CCDC125: variants seen among roughly 807,000 people sequenced by gnomAD.
CCDC125 encodes coiled-coil domain containing 125, also known as coiled-coil domain-containing protein 125.
A neutral mutation model predicts 57.4 loss-of-function variants in CCDC125; 43 were observed. The ratio of observed to expected loss-of-function variants is 0.75; its 90% CI spans 0.59 to 0.97. The LOEUF is 0.97. Among genes scored for constraint, CCDC125 ranks in the 50% least tolerant of loss-of-function variants. The probability of loss-of-function intolerance (pLI) is 0.00; values close to 1 mark genes in which losing one functional copy is unlikely to be tolerated. For missense variants in CCDC125, 563 were observed against 595.7 expected (o/e 0.95, Z 0.57); for synonymous variants, 187 against 195.2 (o/e 0.96, Z 0.35).
At chr5:69,275,806 C>T (rs1312777962), downstream of CCDC125, among the ~76,000 whole-genome samples, 1 of 152,118 alleles carries the variant, frequency 6.6e-6, no homozygotes, top group Non-Finnish European at 1.5e-5. Flanking sequence ...AGACCCCATT[C>T]TCCACAAAAA....
chr5:69,304,495 G>A (rs371195318), intron 6 of CCDC125, among the ~76,000 whole-genome samples: 202 of 143,852 alleles, frequency 1.4e-3, no homozygotes, highest in African/African-American at 5.0e-3. Context: ...ATGTGATCTC[G>A]ACTCAGTGCA....
intron 9 of CCDC125, among the ~76,000 whole-genome samples, chr5:69,294,432 C>T (rs890354388): frequency 6.6e-6 from 1 of 152,050 alleles, no homozygotes; most frequent in Non-Finnish European, 1.5e-5. Context: ...CTCAGCCTCC[C>T]AAGTAGCTAA....
intron 10 of CCDC125, among the ~76,000 whole-genome samples, chr5:69,291,060 A>G (rs1468027807): frequency 2.0e-5 from 3 of 152,256 alleles, no homozygotes; most frequent in African/African-American, 7.2e-5. Context: ...TCTGACAGAT[A>G]AGAAAATATT....
At chr5:69,288,481 G>A (rs1360333868) in intron 10 of CCDC125, among the ~76,000 whole-genome samples, 1 of 152,186 alleles carries the variant, frequency 6.6e-6, no homozygotes, top group Non-Finnish European at 1.5e-5. Context: ...CCAGATAGCT[G>A]AGCATGTGAG....
At chr5:69,322,878 T>C (rs1204269769) in intron 1 of CCDC125, among the ~76,000 whole-genome samples, 1 of 151,824 alleles carries the variant, frequency 6.6e-6, no homozygotes, top group African/African-American at 2.4e-5. Flanking sequence ...TTTTTTTAAA[T>C]TAGCTGGTGG....
Position 69,282,912 on chromosome 5 carries a change from A to G in CCDC125, c.1353T>C (p.Asn451=). ...ENKEKNPIKE[N]FPFNNPWRKT... ...TACGCCAGGGGTTGTTGAAAGGGAAATTCTCTTTTATAGGATTTTTTTCTT... is the reference window on the plus strand; with the variant it reads ...TACGCCAGGGGTTGTTGAAAGGGAAGTTCTCTTTTATAGGATTTTTTTCTT... Residue 451 remains asparagine, a synonymous_variant, in exon 12 of 12, where the codon AAT becomes AAC. Transcript: ENST00000396496. 2 of 1,614,086 alleles carry G rather than the reference A, an allele frequency of 1.2e-6. No homozygotes were observed. The highest frequency in any genetic ancestry group is 1.7e-6 in the Non-Finnish European group (2 of 1,179,994).
intron 2 of CCDC125, among the ~76,000 whole-genome samples, chr5:69,319,993 T>C (rs549340987): frequency 2.0e-5 from 3 of 152,090 alleles, no homozygotes; most frequent in East Asian, 2.0e-4. Context: ...TAGTGGTGCA[T>C]GCCTGTAATC....
chr5:69,291,097 TC>T (rs1157410950), intron 10 of CCDC125, among the ~76,000 whole-genome samples: 4 of 152,194 alleles, frequency 2.6e-5, no homozygotes, highest in Admixed American at 2.6e-4. Context: ...CTAGAATTTT[TC>T]TACAAAACAT....
intron 2 of CCDC125, among the ~76,000 whole-genome samples, chr5:69,319,219 T>C (rs1010879784): frequency 6.6e-6 from 1 of 151,970 alleles, no homozygotes; most frequent in African/African-American, 2.4e-5. Context: ...TGAGCCACTG[T>C]ACCCGGCCTG....
At chr5:69,294,647 AAG>A (rs1477436715) in intron 9 of CCDC125, 144 bp downstream of exon 9, 7 of 692,380 alleles carry the variant, frequency 1.0e-5, no homozygotes. Context: ...TCCAGTTGAT[AAG>A]TTGATGCTAT....
intron 10 of CCDC125, among the ~76,000 whole-genome samples, chr5:69,291,400 C>T (rs930842729): frequency 2.7e-5 from 4 of 150,846 alleles, no homozygotes; most frequent in Non-Finnish European, 4.4e-5. Flanking sequence ...CTCATTCCGT[C>T]GCCCAGTGCA....
At chr5:69,301,781 C>T (rs1209652561) in intron 7 of CCDC125, among the ~76,000 whole-genome samples, 1 of 151,246 alleles carries the variant, frequency 6.6e-6, no homozygotes, top group Non-Finnish European at 1.5e-5. Context: ...TCTGCAATCC[C>T]AGCTACTCAG....
chr5:69,295,704 T>C (rs1342157197), intron 8 of CCDC125, among the ~76,000 whole-genome samples: 1 of 152,174 alleles, frequency 6.6e-6, no homozygotes, highest in Admixed American at 6.6e-5. Context: ...CAGTGTGGAA[T>C]GTTAAATATA....
intron 8 of CCDC125, among the ~76,000 whole-genome samples, chr5:69,299,549 G>A (rs1756027045): frequency 6.6e-6 from 1 of 152,146 alleles, no homozygotes; most frequent in Non-Finnish European, 1.5e-5. Flanking sequence ...TTTTTGTTCT[G>A]AACCTGGCTT....
intron 10 of CCDC125, among the ~76,000 whole-genome samples, chr5:69,286,188 CTATATA>C (rs59035946): frequency 0.023 from 1,192 of 51,282 alleles, 18 homozygotes; most frequent in African/African-American, 0.046. Flanking sequence ...AAATGGTAAA[CTATATA>C]TATATATATA....
downstream of CCDC125, among the ~76,000 whole-genome samples, chr5:69,278,293 C>T (rs1752304330): frequency 6.6e-6 from 1 of 151,954 alleles, no homozygotes; most frequent in Non-Finnish European, 1.5e-5. Context: ...GCAACCTCCA[C>T]CTCCTGGATT....
intron 9 of CCDC125, among the ~76,000 whole-genome samples, chr5:69,293,422 C>T (rs193053425): frequency 0.01 from 1,549 of 152,016 alleles, 35 homozygotes; most frequent in African/African-American, 0.036. Context: ...GGGGCCAAGG[C>T]GGGTGGATCA....
Position 69,298,384 on chromosome 5 carries a change from GA to G in CCDC125, c.816+1627del, listed in dbSNP as rs770161578. Among the ~76,000 whole-genome samples the G allele has an allele frequency of 4.5e-4, 69 of 152,306 alleles. 2 individuals are homozygous for G. The South Asian group carries it at 6.4e-3, about 14-fold the overall frequency. On this transcript the variant is annotated intron_variant, in intron 8 of 11. Coordinates refer to ENST00000396496, the MANE Select transcript of CCDC125 (RefSeq NM_176816.5). ...CCTTTTTAAGAGGCTTTTCAGAGAG[GA>G]AAATTCCACTGCCTCCCTTAGTGTA...
At position 69,282,625 on chromosome 5, in the gene CCDC125, C is replaced by A; in HGVS notation, c.*104G>T. The A allele has an allele frequency of 5.4e-6, 5 of 926,950 alleles. No homozygotes were observed. The highest frequency in any genetic ancestry group is 2.6e-5 in the Admixed American group (1 of 38,076). The allele number at this position is 926,950 out of a possible 1,614,324, so 57.4% of individuals were successfully genotyped here. On this transcript the variant is annotated 3_prime_UTR_variant, in exon 12 of 12. Coordinates refer to ENST00000396496, the MANE Select transcript of CCDC125 (RefSeq NM_176816.5). ...GTGACCTCCTAAAATTTAGAAATAC[C>A]TAGGAAACATACAACTTCTCAAGAT...
Sources: allele counts gnomAD v4.1 joint callset (sites outside exome capture counted in the v4.1 genomes callset), GRCh38; gene constraint gnomAD v4.1.1; transcripts MANE v1.5; gene names NCBI Gene and HGNC (gene_info 2026-07-23, HGNC 2026-07-21).